ABCB4: variants seen among roughly 807,000 people sequenced by gnomAD.
The protein encoded by ABCB4 is ATP binding cassette subfamily B member 4, also known as phosphatidylcholine translocator ABCB4.
Under a neutral mutation model 145.7 loss-of-function variants are expected in ABCB4, and 76 were observed. That is an observed-to-expected ratio of 0.52 (90% CI 0.43 to 0.63). The LOEUF is 0.63. Ranked by LOEUF, ABCB4 falls within the 30% of genes least tolerant of loss-of-function variation. The pLI is 0.00. For synonymous variants in ABCB4, 517 were observed against 566.8 expected (o/e 0.91, Z 1.25); for missense variants, 1,234 against 1,553.1 (o/e 0.79, Z 3.45).
chr7:87,397,133 C>T (rs31648), downstream of ABCB4, among the ~76,000 whole-genome samples: 3,169 of 152,198 alleles, frequency 0.021, 116 homozygotes, highest in African/African-American at 0.071. Flanking sequence ...CACTAGATCA[C>T]TTGAGGCCAG....
chr7:87,410,866 T>G (rs1808571213), intron 23 of ABCB4, among the ~76,000 whole-genome samples: 1 of 152,230 alleles, frequency 6.6e-6, no homozygotes, highest in South Asian at 2.1e-4. Flanking sequence ...CTTGTCAGAT[T>G]GCTTGTGCAG....
chr7:87,387,367 A>T, the ABCB4 span, among the ~76,000 whole-genome samples: 1 of 150,216 alleles, frequency 6.7e-6, no homozygotes, highest in Non-Finnish European at 1.5e-5. Flanking sequence ...CTTGCTCTTT[A>T]TTTTCTAGTT....
chr7:87,395,131 C>T, the ABCB4 span, among the ~76,000 whole-genome samples: 1 of 152,146 alleles, frequency 6.6e-6, no homozygotes, highest in South Asian at 2.1e-4. Context: ...CCACAATAGG[C>T]CAGCTGCAAG....
the ABCB4 span, among the ~76,000 whole-genome samples, chr7:87,370,638 A>G: frequency 6.6e-6 from 1 of 152,278 alleles, no homozygotes; most frequent in Non-Finnish European, 1.5e-5. Context: ...CTAAATATTC[A>G]TGTAACCTGC....
chr7:87,369,462 GT>G, the ABCB4 span: 1 of 1,612,292 alleles, frequency 6.2e-7, no homozygotes, highest in Admixed American at 1.7e-5. Context: ...AGGATGTTTG[GT>G]CACCCCGCCA....
intron 26 of ABCB4, among the ~76,000 whole-genome samples, chr7:87,405,393 G>A (rs1026029099): frequency 6.6e-6 from 1 of 151,556 alleles, no homozygotes; most frequent in African/African-American, 2.4e-5. Flanking sequence ...AGGGCAATAT[G>A]AGGGATCTTT....
At chr7:87,432,885 A>T (rs575832336) in intron 14 of ABCB4, among the ~76,000 whole-genome samples, 5 of 152,302 alleles carry the variant, frequency 3.3e-5, no homozygotes, top group African/African-American at 1.2e-4. Flanking sequence ...TCAATTTTTT[A>T]AAAATAGCCA....
At chr7:87,418,502 T>C (rs1445542595) in intron 20 of ABCB4, 35 bp downstream of exon 20, 7 of 1,585,784 alleles carry the variant, frequency 4.4e-6, no homozygotes, top group East Asian at 2.2e-5. Context: ...AACCATGTTA[T>C]GTAAAAAACT....
chr7:87,370,693 C>T, the ABCB4 span, among the ~76,000 whole-genome samples: 10 of 152,174 alleles, frequency 6.6e-5, no homozygotes, highest in Non-Finnish European at 1.5e-4. Context: ...CAAAGATTCC[C>T]GTCATCCCTC....
chr7:87,375,596 G>A, the ABCB4 span: 1 of 1,499,904 alleles, frequency 6.7e-7, no homozygotes, highest in Non-Finnish European at 9.3e-7. Context: ...CTTTCTGCCT[G>A]TACTCTTTTT....
intron 9 of ABCB4, among the ~76,000 whole-genome samples, chr7:87,446,089 A>G (rs1811327723): frequency 6.6e-6 from 1 of 152,228 alleles, no homozygotes; most frequent in Non-Finnish European, 1.5e-5. Context: ...TGGAAGTGAG[A>G]AAAATTAGAC....
chr7:87,464,838 T>C (rs763058882), intron 3 of ABCB4, among the ~76,000 whole-genome samples: 2 of 152,200 alleles, frequency 1.3e-5, no homozygotes, highest in Non-Finnish European at 2.9e-5. Flanking sequence ...TTTGTAGGAT[T>C]GTATTTTCTG....
Position 87,466,635 on chromosome 7 carries a change from A to C in ABCB4, c.136-3727T>G, listed in dbSNP as rs189071637. On this transcript the variant is annotated intron_variant, in intron 3 of 27. Coordinates refer to ENST00000649586, the MANE Select transcript of ABCB4 (RefSeq NM_000443.4). ...AGTTGAAATGAAGGAAAAAATGTTAAGAGCATGCAGAGAGAAAGGTCAGGT... is the reference window on the plus strand; with the variant it reads ...AGTTGAAATGAAGGAAAAAATGTTACGAGCATGCAGAGAGAAAGGTCAGGT... Among the ~76,000 whole-genome samples, 118 of 152,360 alleles carry C rather than the reference A, an allele frequency of 7.7e-4. 3 individuals are homozygous for C. Among genetic ancestry groups the C allele is most frequent in the Admixed American group, 7.6e-3 (116 of 15,306 alleles).
chr7:87,393,421 T>C, the ABCB4 span, among the ~76,000 whole-genome samples: 2 of 152,204 alleles, frequency 1.3e-5, no homozygotes, highest in Non-Finnish European at 2.9e-5. Context: ...GTTCATGTAG[T>C]CATAGACAAT....
chr7:87,443,840 G>T, intron 10 of ABCB4, 67 bp from the exon 11 acceptor site: 5 of 1,305,716 alleles, frequency 3.8e-6, no homozygotes, highest in South Asian at 2.4e-5. Context: ...TAAGGAATAT[G>T]ATTCAGCAAA....
the ABCB4 span, among the ~76,000 whole-genome samples, chr7:87,391,935 C>A: frequency 7.9e-5 from 12 of 152,156 alleles, no homozygotes; most frequent in Admixed American, 7.9e-4. Context: ...ATTTTCTAGG[C>A]AAAGGGTCTT....
chr7:87,381,017 C>T, the ABCB4 span, among the ~76,000 whole-genome samples: 2 of 152,152 alleles, frequency 1.3e-5, no homozygotes, highest in Non-Finnish European at 2.9e-5. Context: ...ACAATAAATC[C>T]TGTTTATAGG....
At chr7:87,401,578 A>C (rs1185600034), downstream of ABCB4, 3 of 197,994 alleles carry the variant, frequency 1.5e-5, no homozygotes, top group African/African-American at 4.7e-5. Context: ...GTGCTTTCAG[A>C]GTTAGCTCGG....
At chr7:87,450,341 A>G (rs757611482) in intron 7 of ABCB4, among the ~76,000 whole-genome samples, 9 of 152,164 alleles carry the variant, frequency 5.9e-5, no homozygotes, top group Non-Finnish European at 8.8e-5. Flanking sequence ...ATAATTCTCT[A>G]AATAGCACTC....
Sources: allele counts gnomAD v4.1 joint callset (sites outside exome capture counted in the v4.1 genomes callset), GRCh38; gene constraint gnomAD v4.1.1; transcripts MANE v1.5; gene names NCBI Gene and HGNC (gene_info 2026-07-23, HGNC 2026-07-21).